PTPRD: variants seen among roughly 807,000 people sequenced by gnomAD.
PTPRD encodes the protein protein tyrosine phosphatase receptor type D, also known as receptor-type tyrosine-protein phosphatase delta.
A neutral mutation model predicts 214.5 loss-of-function variants in PTPRD; 34 were observed. The observed-to-expected ratio is 0.16, with a 90% CI of 0.12 to 0.21. The LOEUF is 0.21. Ranked by LOEUF, PTPRD falls within the 10% of genes least tolerant of loss-of-function variation. PTPRD has a pLI of 1.00. For synonymous variants in PTPRD, 1,128 were observed against 845.7 expected, an observed-to-expected ratio of 1.33 and a Z score of -5.79; for missense variants, 2,545 against 2,398.7, an observed-to-expected ratio of 1.06 and a Z score of -1.27.
chr9:9,113,203 G>A (rs1056388616), intron 10 of PTPRD, among the ~76,000 whole-genome samples: 1 of 151,792 alleles, frequency 6.6e-6, no homozygotes, highest in Non-Finnish European at 1.5e-5. Flanking sequence ...CTCAAATCCT[G>A]GGCTGAAGTT....
chr9:10,397,946 CAT>C (rs1395701042), intron 2 of PTPRD, among the ~76,000 whole-genome samples: 2 of 151,910 alleles, frequency 1.3e-5, no homozygotes, highest in African/African-American at 4.8e-5. Context: ...TTAAGTGACA[CAT>C]GACTGATATT....
At chr9:9,059,450 G>A (rs2099703224) in intron 10 of PTPRD, among the ~76,000 whole-genome samples, 1 of 152,060 alleles carries the variant, frequency 6.6e-6, no homozygotes, top group Admixed American at 6.6e-5. Context: ...TAAGTATATA[G>A]AAATCAAAAA....
chr9:9,957,702 A>T (rs962694223), intron 4 of PTPRD, among the ~76,000 whole-genome samples: 4 of 152,144 alleles, frequency 2.6e-5, no homozygotes, highest in Non-Finnish European at 5.9e-5. Flanking sequence ...CCTAAAATTT[A>T]TATGAAGAGG....
chr9:8,998,959 C>G (rs2099407429), intron 11 of PTPRD, among the ~76,000 whole-genome samples: 1 of 151,940 alleles, frequency 6.6e-6, no homozygotes, highest in African/African-American at 2.4e-5. Context: ...AGAAGTGGAG[C>G]CTGAAGATGT....
chr9:8,776,376 C>T (rs902029971), intron 11 of PTPRD, among the ~76,000 whole-genome samples: 6 of 152,086 alleles, frequency 3.9e-5, no homozygotes, highest in African/African-American at 1.4e-4. Flanking sequence ...AATCTTGGCT[C>T]ACTGCAGTAT....
intron 7 of PTPRD, among the ~76,000 whole-genome samples, chr9:9,601,970 C>G (rs1225471310): frequency 6.6e-6 from 1 of 152,006 alleles, no homozygotes; most frequent in Non-Finnish European, 1.5e-5. Context: ...CCACTACATA[C>G]ATAAAAGTAG....
At chr9:9,994,223 G>C (rs866446001) in intron 4 of PTPRD, among the ~76,000 whole-genome samples, 1 of 152,122 alleles carries the variant, frequency 6.6e-6, no homozygotes, top group African/African-American at 2.4e-5. Context: ...CACATTTTGA[G>C]AGCTCACCCT....
chr9:9,838,010 C>A (rs1249510020), intron 5 of PTPRD, among the ~76,000 whole-genome samples: 7 of 152,056 alleles, frequency 4.6e-5, no homozygotes, highest in African/African-American at 1.7e-4. Flanking sequence ...TGAGTGAGAA[C>A]ACACGGTGTT....
intron 3 of PTPRD, among the ~76,000 whole-genome samples, chr9:10,277,573 T>C (rs1336875521): frequency 1.6e-5 from 2 of 125,842 alleles, no homozygotes; most frequent in Non-Finnish European, 1.9e-5. Flanking sequence ...GTGTCTGATA[T>C]AGAAAATTCA....
chr9:8,346,348 T>C (rs192587656), intron 39 of PTPRD, among the ~76,000 whole-genome samples: 4 of 152,260 alleles, frequency 2.6e-5, no homozygotes, highest in Non-Finnish European at 5.9e-5. Context: ...TCTTAATTGT[T>C]TCAAATTATT....
chr9:9,892,758 T>C lies in PTPRD; in HGVS notation c.-368+45749A>G, dbSNP rs115394759. On this transcript the variant is annotated intron_variant, in intron 5 of 45. Coordinates refer to ENST00000381196, the MANE Select transcript of PTPRD (RefSeq NM_002839.4). ...TAATAACGAGGTAAAAAAAAAAAAATTGTGTCTTGTTCAGGGAAATAGCAA... is the reference window on the plus strand; with the variant it reads ...TAATAACGAGGTAAAAAAAAAAAAACTGTGTCTTGTTCAGGGAAATAGCAA... Among the ~76,000 whole-genome samples the C allele has an allele frequency of 5.6e-3, 821 of 146,560 alleles. 10 individuals carry two copies. The highest frequency in any genetic ancestry group is 0.02 in the African/African-American group (771 of 39,204).
intron 5 of PTPRD, among the ~76,000 whole-genome samples, chr9:9,797,136 A>C (rs921651269): frequency 6.6e-6 from 1 of 152,042 alleles, no homozygotes; most frequent in African/African-American, 2.4e-5. Context: ...AGAGTGTTAC[A>C]AAGTATTTGG....
intron 8 of PTPRD, among the ~76,000 whole-genome samples, chr9:9,468,249 GA>G (rs2094353228): frequency 6.6e-6 from 1 of 151,178 alleles, no homozygotes; most frequent in African/African-American, 2.4e-5. Flanking sequence ...TATATATTTA[GA>G]AACTTCATTT....
At chr9:9,495,640 C>T (rs533442811) in intron 8 of PTPRD, among the ~76,000 whole-genome samples, 59 of 152,192 alleles carry the variant, frequency 3.9e-4, no homozygotes, top group Non-Finnish European at 5.6e-4. Flanking sequence ...TTCCCATCCC[C>T]GCCCCGACTC....
chr9:9,291,755 G>A (rs1951213774), intron 9 of PTPRD, among the ~76,000 whole-genome samples: 1 of 148,294 alleles, frequency 6.7e-6, no homozygotes, highest in African/African-American at 2.5e-5. Context: ...TCTTATTTCG[G>A]AAGATTTATA....
At chr9:8,490,121 T>C (rs1037368295) in intron 27 of PTPRD, among the ~76,000 whole-genome samples, 1 of 152,114 alleles carries the variant, frequency 6.6e-6, no homozygotes, top group Non-Finnish European at 1.5e-5. Context: ...GTTGGTAAGA[T>C]GAAAGGGTCT....
At chr9:8,996,682 C>T (rs561536960) in intron 11 of PTPRD, among the ~76,000 whole-genome samples, 92 of 152,186 alleles carry the variant, frequency 6.0e-4, no homozygotes, top group Non-Finnish European at 1.1e-3. Flanking sequence ...GCTATGTCCT[C>T]ACATGGCAGA....
chr9:9,594,488 T>C (rs2093081584), intron 7 of PTPRD, among the ~76,000 whole-genome samples: 1 of 152,088 alleles, frequency 6.6e-6, no homozygotes, highest in Admixed American at 6.6e-5. Flanking sequence ...TTCTCCTACA[T>C]GTGGCTTGCC....
chr9:10,227,901 T>C (rs1337769056), intron 3 of PTPRD, among the ~76,000 whole-genome samples: 3 of 151,978 alleles, frequency 2.0e-5, no homozygotes, highest in African/African-American at 4.8e-5. Flanking sequence ...GACATTTCCC[T>C]ACACATCGTC....
Sources: gnomAD v4.1 joint callset for allele counts (sites outside exome capture counted in the v4.1 genomes callset) on GRCh38, gnomAD v4.1.1 for gene constraint, MANE v1.5 for transcripts, NCBI Gene and HGNC (gene_info 2026-07-23, HGNC 2026-07-21) for gene names.